Variants in DHX38 observed in about 807,000 individuals in gnomAD.
DHX38 encodes pre-mRNA-splicing factor ATP-dependent RNA helicase PRP16.
A neutral mutation model predicts 153.1 loss-of-function variants in DHX38; 100 were observed. The ratio of observed to expected loss-of-function variants is 0.65; its 90% confidence interval spans 0.56 to 0.77. The LOEUF is 0.77. Ranked by LOEUF, DHX38 falls within the 30% of genes least tolerant of loss-of-function variation. The pLI is 0.00. For synonymous variants in DHX38, 650 were observed against 631.7 expected (o/e 1.03, Z -0.43); for missense variants, 1,440 against 1,654.0 (o/e 0.87, Z 2.24).
intron 1 of DHX38, 101 bp downstream of exon 1, chr16:72,094,152 G>C (rs1328950670): frequency 6.5e-6 from 1 of 152,796 alleles, no homozygotes; most frequent in Non-Finnish European, 1.5e-5. Flanking sequence ...CCAGTTTGGG[G>C]AGTTCCTCTG....
chr16:72,102,372 C>T (rs1397231843), intron 11 of DHX38, among the ~76,000 whole-genome samples: 2 of 151,858 alleles, frequency 1.3e-5, no homozygotes, highest in Admixed American at 6.6e-5. Flanking sequence ...GAGCATGGGG[C>T]GGCACATCAG....
rs1394470654 is a variant in DHX38 at position 72,101,135 on chromosome 16, T to C, written c.1328T>C (p.Ile443Thr). 4.3e-6 allele frequency: 7 copies of C among 1,614,132 alleles called. No individual in the cohort carries two copies. The highest frequency in any genetic ancestry group is 5.9e-6 in the Non-Finnish European group (7 of 1,180,052). ...VKDATSDLAI[I>T]ARKGSQTVRK... ...GATGCTACTTCTGACCTGGCCATCATTGCTCGGAAAGGCAGCCAGACAGTG... is the reference window on the plus strand; with the variant it reads ...GATGCTACTTCTGACCTGGCCATCACTGCTCGGAAAGGCAGCCAGACAGTG... The change falls in exon 10 of 27, where the codon ATT becomes ACT. Residue 443 changes from isoleucine (I) to threonine (T), a missense_variant. Transcript: ENST00000268482.
chr16:72,100,010 C>T, intron 8 of DHX38, 123 bp downstream of exon 8: 1 of 1,323,052 alleles, frequency 7.6e-7, no homozygotes, highest in South Asian at 1.4e-5. Flanking sequence ...AAGCCCAGAT[C>T]CTCTGGAGGT....
intron 11 of DHX38, 84 bp downstream of exon 11, chr16:72,101,696 T>G: frequency 9.1e-7 from 1 of 1,103,764 alleles, no homozygotes; most frequent in Non-Finnish European, 1.3e-6. Context: ...CCCATCGACT[T>G]TGTGGCTCCT....
In DHX38 at chr16:72,096,987, C is replaced by G. The variant is rs1180446258; in HGVS notation, c.489C>G (p.Asp163Glu). Reference sequence around the variant, plus strand: ...AGAAGGAGAAATCGCGGGATCGAGACTATGACCGCAAGAGGGACAGAGGTA... The same window carrying G: ...AGAAGGAGAAATCGCGGGATCGAGAGTATGACCGCAAGAGGGACAGAGGTA... ...DWKKEKSRDR[D>E]YDRKRDRDER... is the part of the protein sequence containing the mutation. The change falls in exon 3 of 27, where the codon GAC becomes GAG. Residue 163 changes from aspartate to glutamate, a missense_variant. Physicochemically the swap from Asp to Glu is conservative, Grantham distance 45. This residue lies in a region of DHX38 where 483 missense variants were observed against 465.1 expected (regional missense o/e 1.04). Transcript: ENST00000268482. 1 of 1,613,946 alleles carries G rather than the reference C, an allele frequency of 6.2e-7. No individual in the cohort carries two copies. The highest frequency in any genetic ancestry group is 8.5e-7 in the Non-Finnish European group (1 of 1,179,930).
intron 8 of DHX38, 57 bp downstream of exon 8, chr16:72,099,944 G>A: frequency 1.9e-6 from 3 of 1,546,254 alleles, no homozygotes; most frequent in Non-Finnish European, 2.6e-6. Flanking sequence ...AGCACGTGGG[G>A]AAGCAGCAGG....
At position 72,098,657 on chromosome 16, in the gene DHX38, C is replaced by T; in HGVS notation, c.629C>T (p.Pro210Leu). 1 of 1,614,098 alleles carries T rather than the reference C, an allele frequency of 6.2e-7. No individual in the cohort carries two copies. The highest frequency in any genetic ancestry group is 8.5e-7 in the Non-Finnish European group (1 of 1,179,974). The change falls in exon 5 of 27, where the codon CCT becomes CTT. Residue 210 changes from proline (P) to leucine (L), a missense_variant. Physicochemically the swap from Pro to Leu is moderately conservative, Grantham distance 98. Coordinates refer to ENST00000268482, the MANE Select transcript of DHX38 (RefSeq NM_014003.4). ...PRHRPKDAAT[P>L]SRSTWEEEDS... ...TTTTGTGGCCCAGATGCAGCCACCCCTTCAAGGTCTACCTGGGAGGAAGAG... is the reference window on the plus strand; with the variant it reads ...TTTTGTGGCCCAGATGCAGCCACCCTTTCAAGGTCTACCTGGGAGGAAGAG...
At chr16:72,098,862 T>C (rs1460904886) in intron 5 of DHX38, 65 bp from the exon 6 acceptor site, 1 of 1,613,518 alleles carries the variant, frequency 6.2e-7, no homozygotes, top group Non-Finnish European at 8.5e-7. Context: ...GGAGAGCAGA[T>C]GGTGGCCAGG....
chr16:72,100,783 C>T (rs144051513), intron 9 of DHX38, among the ~76,000 whole-genome samples, 186 bp downstream of exon 9: 7 of 152,246 alleles, frequency 4.6e-5, no homozygotes, highest in African/African-American at 1.2e-4. Context: ...AAAAATTAGC[C>T]GGGTGTGGTG....
Position 72,103,106 on chromosome 16 carries a change from G to T in DHX38, c.1532G>T (p.Arg511Ile), listed in dbSNP as rs1315771966. 6.2e-7 allele frequency: 1 copy of T among 1,614,246 alleles called. No individual in the cohort carries two copies. The highest frequency in any genetic ancestry group is 1.7e-5 in the Admixed American group (1 of 60,032). Residue 511 changes from arginine to isoleucine, a missense_variant, in exon 12 of 27, where the codon AGA (arginine) becomes ATA (isoleucine). Physicochemically the swap from Arg to Ile is moderately conservative, Grantham distance 97. This residue lies in a region of DHX38 where 241 missense variants were observed against 229.5 expected (regional missense o/e 1.05). Transcript: ENST00000268482. The part of the protein sequence containing the change: ...TEQKFADHMK[R>I]KSEASSEFAK... ...CAGAAGTTTGCAGATCACATGAAGA[G>T]AAAGAGCGAAGCCAGCAGTGAATTT... is the stretch of plus-strand genomic sequence containing the variant.
chr16:72,112,864 T>C lies in DHX38; in HGVS notation c.*367T>C, dbSNP rs1422395406. ...AAAAGACCTAAAGGGAATTGTAATT[T>C]GGTTATAATTCAGGATTTGGAAATA... On this transcript the variant is annotated 3_prime_UTR_variant, in exon 27 of 27. Transcript: ENST00000268482. 1.4e-6 allele frequency: 1 copy of C among 699,486 alleles called. No individual in the cohort carries two copies. The highest frequency in any genetic ancestry group is 2.0e-5 in the Admixed American group (1 of 49,188). 43.3% of individuals were successfully genotyped at this position (699,486 alleles called of 1,614,324 possible). A position where few individuals can be genotyped will look rare whatever the true frequency, so the allele number is the denominator to read the frequency against.
rs987941574 is a variant in DHX38, at chr16:72,100,369, C to A, written c.1117-67C>A. The A allele has an allele frequency of 2.6e-6, 4 of 1,557,642 alleles. No individual in the cohort carries two copies. The African/African-American group carries it at 4.1e-5, about 16-fold the overall frequency. ...TGTCAGGACTTGATGTGTGGACTTA[C>A]CTCATAACCTTTCAGGACGACCTTT... On this transcript the variant is annotated intron_variant, in intron 8 of 26. Transcript: ENST00000268482.
chr16:72,104,777 G>A lies in DHX38; in HGVS notation c.2151+151G>A. ...CAAATGGGGCAGCCTGCAGCTCTGG[G>A]ACTCGGGGACAAAGGACTCTGCTCT... On this transcript the variant is annotated intron_variant, in intron 15 of 26. Transcript: ENST00000268482. The surrounding 1 kb of genome is among the most constrained non-coding windows in gnomAD (Gnocchi z 4.5). The A allele has an allele frequency of 8.7e-7, 1 of 1,153,114 alleles. No homozygotes were observed. The highest frequency in any genetic ancestry group is 2.1e-5 in the Admixed American group (1 of 47,990). The allele number at this position is 1,153,114 out of a possible 1,614,324, so 71.4% of individuals were successfully genotyped here. A position where few individuals can be genotyped will look rare whatever the true frequency, so the allele number is the denominator to read the frequency against.
rs2144170762 is a variant in DHX38, at chr16:72,107,771, C to G, written c.2936C>G (p.Ser979Trp). 1 of 1,613,948 alleles carries G rather than the reference C, an allele frequency of 6.2e-7. No homozygotes were observed. Among genetic ancestry groups the G allele is most frequent in the Non-Finnish European group, 8.5e-7 (1 of 1,180,028 alleles). ...ATCCTGCTCATCGTTTCCATGCTCTCGGTCCCAGCCATCTTCTACAGGCCC... is the reference window on the plus strand; with the variant it reads ...ATCCTGCTCATCGTTTCCATGCTCTGGGTCCCAGCCATCTTCTACAGGCCC... ...SEILLIVSML[S>W]VPAIFYRPKG... The change falls in exon 21 of 27, where the codon TCG becomes TGG. Residue 979 changes from serine to tryptophan, a missense_variant. Physicochemically the swap from Ser to Trp is radical, Grantham distance 177. Around this residue, in one of 6 missense-constraint regions of DHX38, gnomAD observed 543 missense variants for 717.9 expected, o/e 0.76. Coordinates refer to ENST00000268482, the MANE Select transcript of DHX38 (RefSeq NM_014003.4). This position sits in a 1 kb window ranked among gnomAD's most constrained non-coding sequence, Gnocchi z 5.3.
In DHX38 at chr16:72,104,245, C is replaced by T. The variant is rs2042141489; in HGVS notation, c.2010+114C>T. The T allele has an allele frequency of 7.4e-7, 1 of 1,353,512 alleles. No individual in the cohort carries two copies. The highest frequency in any genetic ancestry group is 1.0e-6 in the Non-Finnish European group (1 of 999,910). 83.8% of individuals were successfully genotyped at this position (1,353,512 alleles called of 1,614,324 possible). A position where few individuals can be genotyped will look rare whatever the true frequency, so the allele number is the denominator to read the frequency against. ...GGGGTCTCTGGTAGGCCAGAGGTTC[C>T]TGAGGCCTCTGGTTGCAGTTCAGAC... On this transcript the variant is annotated intron_variant, in intron 14 of 26. Transcript: ENST00000268482. The surrounding 1 kb of genome is among the most constrained non-coding windows in gnomAD (Gnocchi z 4.5).
intron 3 of DHX38, chr16:72,097,308 T>C (rs767320466): frequency 7.7e-6 from 3 of 391,084 alleles, no homozygotes; most frequent in Non-Finnish European, 1.4e-5. Context: ...GTATTGGTGA[T>C]AGAGAAAGGA....
chr16:72,107,596 CT>C lies in DHX38; in HGVS notation c.2810-46del. ...ATGGGTGCTGGCGCTTGACTTCCTT[CT>C]TTCCTCTACTGTCCCGTCAAATATC... On this transcript the variant is annotated intron_variant, in intron 20 of 26. Coordinates refer to ENST00000268482, the MANE Select transcript of DHX38 (RefSeq NM_014003.4). This position sits in a 1 kb window ranked among gnomAD's most constrained non-coding sequence, Gnocchi z 5.3. 1 of 1,609,146 alleles carries C rather than the reference CT, an allele frequency of 6.2e-7. No homozygotes were observed. The highest frequency in any genetic ancestry group is 8.5e-7 in the Non-Finnish European group (1 of 1,175,858).
chr16:72,095,397 A>G (rs916589434), intron 1 of DHX38, among the ~76,000 whole-genome samples: 2 of 152,206 alleles, frequency 1.3e-5, no homozygotes, highest in African/African-American at 4.8e-5. Flanking sequence ...AAAAGCCACT[A>G]AAGTATGGAG....
Position 72,104,301 on chromosome 16 carries a change from G to C in DHX38, c.2010+170G>C. 8.5e-7 allele frequency: 1 copy of C among 1,180,958 alleles called. No homozygotes were observed. The allele number at this position is 1,180,958 out of a possible 1,614,324, so 73.2% of individuals were successfully genotyped here. ...TTGTAGTTCATGCTGTTCTTGCTCT[G>C]CTGAGGGTGGCTTGGGGTTTTCTGG... On this transcript the variant is annotated intron_variant, in intron 14 of 26. Coordinates refer to ENST00000268482, the MANE Select transcript of DHX38 (RefSeq NM_014003.4). This position sits in a 1 kb window ranked among gnomAD's most constrained non-coding sequence, Gnocchi z 4.5.
Sources: gnomAD v4.1 joint callset for allele counts (sites outside exome capture counted in the v4.1 genomes callset) on GRCh38, gnomAD v4.1.1 for gene constraint, gnomAD v4.1.1 regional missense constraint, Gnocchi (gnomAD v3.1) non-coding constraint, MANE v1.5 for transcripts, NCBI Gene and HGNC (gene_info 2026-07-23, HGNC 2026-07-21) for gene names.